Variants in CDAN1 observed in about 807,000 individuals in gnomAD.
CDAN1 encodes codanin-1.
CDAN1 carries 107 observed loss-of-function variants against 139.8 expected under a neutral mutation model. The ratio of observed to expected loss-of-function variants is 0.77; its 90% CI spans 0.65 to 0.90. The LOEUF (loss-of-function observed/expected upper bound fraction) is 0.90, where lower values mean the gene tolerates loss of function less well. Among genes scored for constraint, CDAN1 ranks in the 40% least tolerant of loss-of-function variants. The probability of loss-of-function intolerance (pLI) is 0.00; values close to 1 mark genes in which losing one functional copy is unlikely to be tolerated. For synonymous variants in CDAN1, 776 were observed against 660.6 expected, an observed-to-expected ratio of 1.17 and a Z score of -2.68; for missense variants, 1,667 against 1,575.7, an observed-to-expected ratio of 1.06 and a Z score of -0.98.
rs2061566306 is a variant in CDAN1, at chr15:42,728,732, C to T, written c.2724G>A (p.Gly908=). 11 of 1,614,184 alleles carry T rather than the reference C, an allele frequency of 6.8e-6. No homozygotes were observed. Among genetic ancestry groups the T allele is most frequent in the Non-Finnish European group, 9.3e-6 (11 of 1,180,030 alleles). ...TCTCCAACAGCTGGGCTGGGTCTCC[C>T]CCTTCCTCTCCCTGTGTCACCAGCT... The part of the protein sequence containing the change: ...QEQLVTQGEE[G]GDPAQLLEIL... The change falls in exon 20 of 28, where the codon GGG becomes GGA. Residue 908 remains glycine, a synonymous_variant. Transcript: ENST00000356231.
At position 42,735,447 on chromosome 15, in the gene CDAN1, C is replaced by T. The variant is rs1460020667; in HGVS notation, c.943+63G>A. On this transcript the variant is annotated intron_variant, in intron 4 of 27. Transcript: ENST00000356231. ...CCAAGGCTCAGTTCCAAGTGCCTTACCAATTCTCTTACCCATAAGTTCTAC... is the reference window on the plus strand; with the variant it reads ...CCAAGGCTCAGTTCCAAGTGCCTTATCAATTCTCTTACCCATAAGTTCTAC... 4 of 1,603,486 alleles carry T rather than the reference C, an allele frequency of 2.5e-6. No homozygotes were observed. The Admixed American group carries it at 6.9e-5, about 28-fold the overall frequency.
In CDAN1 at chr15:42,736,499, GC is replaced by G; in HGVS notation, c.371del (p.Gly124AlafsTer58). The G allele has an allele frequency of 7.0e-7, 1 of 1,421,740 alleles. No individual in the cohort carries two copies. Among genetic ancestry groups the G allele is most frequent in the Non-Finnish European group, 9.1e-7 (1 of 1,096,136 alleles). 88.1% of individuals were successfully genotyped at this position (1,421,740 alleles called of 1,614,324 possible). Reference protein sequence around the residue: ...PLARRGGRRRGPGPARERGGR... With the variant: ...PLARRGGRRRXPGPARERGGR... ...CTCCACGCTCGCGGGCCGGCCCCGG[GC>G]CCCGCCTCCTGCCCCCGCGGCGGGC... On this transcript the variant is annotated frameshift_variant, in exon 2 of 28. Transcript: ENST00000356231. LOFTEE classifies it high-confidence loss of function.
chr15:42,728,094 A>G (rs1422086373), intron 21 of CDAN1, 61 bp from the exon 22 acceptor site: 12 of 1,592,674 alleles, frequency 7.5e-6, no homozygotes, highest in Non-Finnish European at 1.0e-5. Flanking sequence ...AAAGGATGCC[A>G]GAGTCGAGCA....
chr15:42,732,529 C>T, intron 9 of CDAN1, 121 bp from the exon 10 acceptor site: 1 of 860,678 alleles, frequency 1.2e-6, no homozygotes, highest in South Asian at 1.4e-5. Flanking sequence ...AGACCTCAGC[C>T]AGAGCCAGCC....
chr15:42,736,767 TC>T lies in CDAN1; in HGVS notation c.103del (p.Glu35ArgfsTer5), dbSNP rs1164403762. 1.3e-6 allele frequency: 2 copies of T among 1,545,290 alleles called. No individual in the cohort carries two copies. ...STQGSEDNAG[E>X]AAALSSLRAL... is the part of the protein sequence containing the mutation. ...CCGGAGTGAGCTCAGCGCGGCCGCC[TC>T]CCCAGCGTTATCCTAGGGCAGAAGC... On this transcript the variant is annotated frameshift_variant, in exon 2 of 28. Transcript: ENST00000356231. LOFTEE classifies it high-confidence loss of function.
At position 42,734,031 on chromosome 15, in the gene CDAN1, G is replaced by A. The variant is rs2140500107; in HGVS notation, c.1274C>T (p.Pro425Leu). The A allele has an allele frequency of 6.2e-7, 1 of 1,613,670 alleles. No homozygotes were observed. ...GSVAKVSLVM[P>L]PSTQAVSFQP... ...AAAGGAGACAGCTTGAGTAGAGGGA[G>A]GCATCACCAGAGAGACCTAAAATAC... Residue 425 changes from proline to leucine, a missense_variant, in exon 8 of 28, where the codon CCT becomes CTT. Physicochemically the swap from Pro to Leu is moderately conservative, Grantham distance 98 (BLOSUM62 -3). Around this residue, in one of 3 missense-constraint regions of CDAN1, gnomAD observed 244 missense variants for 309.4 expected, o/e 0.79. Coordinates refer to ENST00000356231, the MANE Select transcript of CDAN1 (RefSeq NM_138477.4).
rs192963818 is a variant in CDAN1 at position 42,729,131 on chromosome 15, G to A, written c.2542-5C>T. 1.1e-5 allele frequency: 17 copies of A among 1,614,004 alleles called. No homozygotes were observed. Among genetic ancestry groups the A allele is most frequent in the African/African-American group, 1.3e-5 (1 of 74,914 alleles). On this transcript the variant is annotated splice_polypyrimidine_tract_variant and splice_region_variant and intron_variant, in intron 18 of 27. Transcript: ENST00000356231. Reference sequence around the variant, plus strand: ...AAAGGCCTGGGCGAGCTGTGCCTGGGGGGAGGAGGGAGAGGCAGCAAGGCT... The same window carrying A: ...AAAGGCCTGGGCGAGCTGTGCCTGGAGGGAGGAGGGAGAGGCAGCAAGGCT...
intron 27 of CDAN1, 127 bp downstream of exon 27, chr15:42,725,017 T>A: frequency 1.3e-6 from 1 of 780,280 alleles, no homozygotes; most frequent in South Asian, 1.5e-5. Flanking sequence ...CGGGACAATT[T>A]CAGGGTGGCC....
In CDAN1 at chr15:42,728,713, A is replaced by G. The variant is rs149472555; in HGVS notation, c.2743T>C (p.Leu915=). 7.3e-4 allele frequency: 1,180 copies of G among 1,614,182 alleles called. No individual in the cohort carries two copies. Among genetic ancestry groups the G allele is most frequent in the Middle Eastern group, 1.8e-3 (11 of 6,062 alleles). Reference sequence around the variant, plus strand: ...CACAGCTGGGAACACAAGATCTCCAACAGCTGGGCTGGGTCTCCCCCTTCC... The same window carrying G: ...CACAGCTGGGAACACAAGATCTCCAGCAGCTGGGCTGGGTCTCCCCCTTCC... The part of the protein sequence containing the change: ...GEEGGDPAQL[L]EILCSQLCPH... The change falls in exon 20 of 28, where the codon TTG becomes CTG. Residue 915 remains leucine, a synonymous_variant. Transcript: ENST00000356231.
intron 11 of CDAN1, 41 bp downstream of exon 11, chr15:42,731,579 T>C (rs1293643291): frequency 6.2e-7 from 1 of 1,603,710 alleles, no homozygotes; most frequent in East Asian, 2.2e-5. Flanking sequence ...AAACCTTTCC[T>C]GGCCTCTGCC....
At position 42,735,189 on chromosome 15, in the gene CDAN1, A is replaced by G. The variant is rs372671684; in HGVS notation, c.1058-11T>C. On this transcript the variant is annotated splice_polypyrimidine_tract_variant and intron_variant, in intron 5 of 27. Coordinates refer to ENST00000356231, the MANE Select transcript of CDAN1 (RefSeq NM_138477.4). ...GACTTTCCAGGGAATCTAGAAGGACAGTACCAAGCTGTCAGTTAAGAACGG... is the reference window on the plus strand; with the variant it reads ...GACTTTCCAGGGAATCTAGAAGGACGGTACCAAGCTGTCAGTTAAGAACGG... 1.9e-6 allele frequency: 3 copies of G among 1,611,458 alleles called. No homozygotes were observed. The highest frequency in any genetic ancestry group is 2.5e-6 in the Non-Finnish European group (3 of 1,177,676).
intron 15 of CDAN1, 65 bp downstream of exon 15, chr15:42,730,063 C>T: frequency 6.8e-7 from 1 of 1,472,370 alleles, no homozygotes; most frequent in Non-Finnish European, 9.5e-7. Flanking sequence ...CGCACTCAGA[C>T]ATTTGCCCAC....
In CDAN1 at chr15:42,732,385, G is replaced by A. The variant is rs1334968457; in HGVS notation, c.1481C>T (p.Ala494Val). The change falls in exon 10 of 28, where the codon GCA (alanine) becomes GTA (valine). Residue 494 changes from alanine (A) to valine (V), a missense_variant. Ala to Val is a moderately conservative substitution (Grantham distance 64). This residue lies in a region of CDAN1 where 244 missense variants were observed against 309.4 expected (regional missense o/e 0.79). Coordinates refer to ENST00000356231, the MANE Select transcript of CDAN1 (RefSeq NM_138477.4). ...RIRAMMGQLS[A>V]ACSHSHFVRL... is the part of the protein sequence containing the mutation. ...AACAAAGTGGCTGTGGCTGCAGGCT[G>A]CGGAGAGCTGACCCATCATGGCCCT... 4 of 1,614,100 alleles carry A rather than the reference G, an allele frequency of 2.5e-6. No individual in the cohort carries two copies. The highest frequency in any genetic ancestry group is 3.4e-6 in the Non-Finnish European group (4 of 1,179,988).
intron 13 of CDAN1, 33 bp downstream of exon 13, chr15:42,730,892 C>T (rs963460009): frequency 1.2e-6 from 2 of 1,613,978 alleles, no homozygotes; most frequent in Non-Finnish European, 1.7e-6. Flanking sequence ...GTCCTCCCTG[C>T]TCCCTCCTCA....
Position 42,730,718 on chromosome 15 carries a change from T to C in CDAN1, c.2054A>G (p.Gln685Arg), listed in dbSNP as rs1392997047. The change falls in exon 14 of 28, where the codon CAG (glutamine) becomes CGG (arginine). Residue 685 changes from glutamine (Q) to arginine (R), a missense_variant. This residue lies in a region of CDAN1 where 936 missense variants were observed against 844.1 expected (regional missense o/e 1.11). Transcript: ENST00000356231. ...CACGGTGAGCACCGCCCGGCGGGCC[T>C]GCAGCCCTCGCTGCAGCAGAGTCCG... Reference protein sequence around the residue: ...DVRTLLQRGLQARRAVLTVPW... With the variant: ...DVRTLLQRGLRARRAVLTVPW... 2 of 1,612,938 alleles carry C rather than the reference T, an allele frequency of 1.2e-6. No individual in the cohort carries two copies. The highest frequency in any genetic ancestry group is 2.2e-5 in the East Asian group (1 of 44,862).
Position 42,729,243 on chromosome 15 carries a change from T to G in CDAN1, c.2527A>C (p.Ser843Arg). 2 of 1,572,936 alleles carry G rather than the reference T, an allele frequency of 1.3e-6. No homozygotes were observed. Among genetic ancestry groups the G allele is most frequent in the Non-Finnish European group, 1.7e-6 (2 of 1,156,204 alleles). ...CCTGCCCTTACCTGCAGCCCCTGGC[T>G]GGTCTGGGAAGGCTGGGCTCCCAGG... is the stretch of plus-strand genomic sequence containing the variant. ...TSLGAQPSQT[S>R]QGLQAQLAQA... The change falls in exon 18 of 28, where the codon AGC becomes CGC. Residue 843 changes from serine to arginine, a missense_variant. By Grantham distance (110) the Ser-to-Arg change is moderately radical (BLOSUM62 -1). Coordinates refer to ENST00000356231, the MANE Select transcript of CDAN1 (RefSeq NM_138477.4).
chr15:42,732,963 T>C (rs1326344061), intron 9 of CDAN1, 134 bp downstream of exon 9: 21 of 759,108 alleles, frequency 2.8e-5, no homozygotes, highest in South Asian at 1.5e-4. Context: ...ACTAAAGAGA[T>C]TTCGGAGGAT....
chr15:42,736,890 C>T, intron 1 of CDAN1, 110 bp from the exon 2 acceptor site: 2 of 1,454,956 alleles, frequency 1.4e-6, no homozygotes, highest in Non-Finnish European at 1.8e-6. Flanking sequence ...GGCAGCGGCG[C>T]CCAGTTGGAG....
Position 42,729,137 on chromosome 15 carries a change from G to A in CDAN1, c.2542-11C>T. 1 of 1,614,054 alleles carries A rather than the reference G, an allele frequency of 6.2e-7. No individual in the cohort carries two copies. The highest frequency in any genetic ancestry group is 8.5e-7 in the Non-Finnish European group (1 of 1,179,914). On this transcript the variant is annotated splice_polypyrimidine_tract_variant and intron_variant, in intron 18 of 27. Transcript: ENST00000356231. ...CTGGGCGAGCTGTGCCTGGGGGGAGGAGGGAGAGGCAGCAAGGCTTCCTCC... is the reference window on the plus strand; with the variant it reads ...CTGGGCGAGCTGTGCCTGGGGGGAGAAGGGAGAGGCAGCAAGGCTTCCTCC...
Sources: gnomAD v4.1 joint callset for allele counts on GRCh38, gnomAD v4.1.1 for gene constraint, gnomAD v4.1.1 regional missense constraint, MANE v1.5 for transcripts, NCBI Gene and HGNC (gene_info 2026-07-23, HGNC 2026-07-21) for gene names.